The following GALNT2 variants were observed in gnomAD, a reference collection of about 807,000 sequenced individuals.
The protein encoded by GALNT2 is UDP-GalNAc:polypeptide N-acetylgalactosaminyltransferase 2.
Under a neutral mutation model 81.4 loss-of-function variants are expected in GALNT2, and 31 were observed. That is an observed-to-expected ratio of 0.38 (90% CI 0.29 to 0.51). The LOEUF (loss-of-function observed/expected upper bound fraction) is 0.51. GALNT2 is among the 20% of genes least tolerant of loss of function. The pLI, the probability that GALNT2 is intolerant of heterozygous loss-of-function variation, is 0.87. For synonymous variants in GALNT2, 303 were observed against 287.4 expected (o/e 1.05, Z -0.55); for missense variants, 629 against 765.7 (o/e 0.82, Z 2.11).
At chr1:230,130,445 C>T (rs926955354) in intron 1 of GALNT2, among the ~76,000 whole-genome samples, 7 of 152,096 alleles carry the variant, frequency 4.6e-5, no homozygotes, top group African/African-American at 1.7e-4. Flanking sequence ...TGTGCTCAGC[C>T]GGTTGTGAAG....
At chr1:230,234,716 T>G (rs1467018944) in intron 3 of GALNT2, among the ~76,000 whole-genome samples, 3 of 152,212 alleles carry the variant, frequency 2.0e-5, no homozygotes, top group African/African-American at 7.2e-5. Flanking sequence ...GAAGTCCTCG[T>G]GGGCTGTCAG....
intron 3 of GALNT2, among the ~76,000 whole-genome samples, chr1:230,219,716 G>A (rs1242262583): frequency 6.6e-6 from 1 of 152,170 alleles, no homozygotes; most frequent in Non-Finnish European, 1.5e-5. Context: ...AGATGTGGGG[G>A]CATTCTTTGC....
At chr1:230,110,826 A>AT (rs1405381725) in intron 1 of GALNT2, among the ~76,000 whole-genome samples, 9 of 151,338 alleles carry the variant, frequency 5.9e-5, no homozygotes, top group African/African-American at 1.9e-4. Flanking sequence ...CATCAGCCTG[A>AT]CCGTGGAAAA....
rs575255904 is a variant in GALNT2, at chr1:230,279,178, G to C, written c.1561-125G>C. The C allele has an allele frequency of 1.3e-4, 135 of 1,050,512 alleles. No individual in the cohort carries two copies. Among genetic ancestry groups the C allele is most frequent in the East Asian group, 1.2e-3 (44 of 36,034 alleles). The allele number at this position is 1,050,512 out of a possible 1,614,324, so 65.1% of individuals were successfully genotyped here. On this transcript the variant is annotated intron_variant, in intron 15 of 15. Coordinates refer to ENST00000366672, the MANE Select transcript of GALNT2 (RefSeq NM_004481.5). The surrounding 1 kb of genome is among the most constrained non-coding windows in gnomAD (Gnocchi z 4.6). ...GCAAGCTCCTCGGCCGTTCAGATGA[G>C]AGGCTGGGAAAAACGTGTCTATCTG...
At chr1:230,171,913 C>A (rs1224262121) in intron 1 of GALNT2, among the ~76,000 whole-genome samples, 5 of 152,052 alleles carry the variant, frequency 3.3e-5, no homozygotes, top group Admixed American at 6.5e-5. Flanking sequence ...ACCTCACAGC[C>A]CCTGCCCCCC....
chr1:230,113,252 A>G (rs1250724760), intron 1 of GALNT2, among the ~76,000 whole-genome samples: 1 of 152,020 alleles, frequency 6.6e-6, no homozygotes, highest in East Asian at 1.9e-4. Flanking sequence ...TCAGGCTTGG[A>G]GAGTGAGGAG....
rs193222397 is a variant in GALNT2 at position 230,061,041 on chromosome 1, T to C, written n.89+2963T>C. Among the ~76,000 whole-genome samples, 7 of 152,278 alleles carry C rather than the reference T, an allele frequency of 4.6e-5. No homozygotes were observed. In the East Asian group the frequency reaches 1.2e-3, roughly 25 times the overall value. Reference sequence around the variant, plus strand: ...GGAATCAATAATTTCTCCAGTGAACTCTTACAGTGGAGAATGGTATTTAGA... The same window carrying C: ...GGAATCAATAATTTCTCCAGTGAACCCTTACAGTGGAGAATGGTATTTAGA... On this transcript the variant is annotated intron_variant and non_coding_transcript_variant, in intron 1 of 6. Coordinates refer to the GALNT2 transcript ENST00000494106.
intron 1 of GALNT2, among the ~76,000 whole-genome samples, chr1:230,101,738 T>C (rs1660408746): frequency 6.6e-6 from 1 of 152,234 alleles, no homozygotes; most frequent in Admixed American, 6.5e-5. Flanking sequence ...CTGTTCCTGC[T>C]TTTGTTGTGT....
In GALNT2 at chr1:230,220,945, T is replaced by G. The variant is rs1458895927; in HGVS notation, c.375-15069T>G. On this transcript the variant is annotated intron_variant, in intron 3 of 15. Coordinates refer to ENST00000366672, the MANE Select transcript of GALNT2 (RefSeq NM_004481.5). ...TATCATGAACTCCCCAAGTTCTCCT[T>G]TCTTTAAATACACCGAATTACTCAA... Among the ~76,000 whole-genome samples the G allele has an allele frequency of 3.9e-5, 6 of 152,210 alleles. No homozygotes were observed. In the East Asian group the frequency reaches 9.6e-4, roughly 24 times the overall value.
chr1:230,061,564 T>C (rs1159070728), intron 1 of GALNT2, among the ~76,000 whole-genome samples: 1 of 152,224 alleles, frequency 6.6e-6, no homozygotes, highest in African/African-American at 2.4e-5. Context: ...GATATTTCTG[T>C]TTGGATTCAG....
chr1:230,182,993 T>C (rs2102689548), intron 2 of GALNT2, among the ~76,000 whole-genome samples: 1 of 152,358 alleles, frequency 6.6e-6, no homozygotes, highest in East Asian at 1.9e-4. Flanking sequence ...TTTTAAAAAA[T>C]CATTGTGTAG....
intron 1 of GALNT2, among the ~76,000 whole-genome samples, chr1:230,067,930 A>T (rs1659249703): frequency 6.6e-6 from 1 of 150,918 alleles, no homozygotes; most frequent in Non-Finnish European, 1.5e-5. Context: ...TTTGCCCTTT[A>T]CCTTTGGGGG....
chr1:230,255,402 A>C lies in GALNT2; in HGVS notation c.1136+58A>C, dbSNP rs1665681342. ...CATTGATGACTACCCTGAAAGCAGG[A>C]CCTGACCTTGGGCTGTTTGAGGACA... is the stretch of plus-strand genomic sequence containing the variant. On this transcript the variant is annotated intron_variant, in intron 11 of 15. Transcript: ENST00000366672. The C allele has an allele frequency of 3.1e-6, 5 of 1,610,616 alleles. No homozygotes were observed. In the African/African-American group the frequency reaches 4.0e-5, roughly 13 times the overall value.
At chr1:230,174,775 G>A (rs1409137996) in intron 1 of GALNT2, among the ~76,000 whole-genome samples, 1 of 152,086 alleles carries the variant, frequency 6.6e-6, no homozygotes, top group Non-Finnish European at 1.5e-5. Flanking sequence ...TAGCCATAGT[G>A]ATATTTCTAG....
rs577949413 is a variant in GALNT2 at position 230,154,172 on chromosome 1, T to C, written c.127-24046T>C. 1.4e-4 allele frequency among the ~76,000 whole-genome samples: 22 copies of C among 152,342 alleles called. No homozygotes were observed. In the South Asian group the frequency reaches 4.3e-3, roughly 30 times the overall value. Reference sequence around the variant, plus strand: ...GGATGTGGATTTTGTACATTTTCAATATTTCACCATTCAGTCTTGTCAGAA... The same window carrying C: ...GGATGTGGATTTTGTACATTTTCAACATTTCACCATTCAGTCTTGTCAGAA... On this transcript the variant is annotated intron_variant, in intron 1 of 15. Transcript: ENST00000366672.
chr1:230,278,835 T>C (rs184688532), intron 15 of GALNT2, among the ~76,000 whole-genome samples: 1 of 152,312 alleles, frequency 6.6e-6, no homozygotes, highest in Non-Finnish European at 1.5e-5. Flanking sequence ...AGTGGGAGCA[T>C]GGAGGTGCCC....
At chr1:230,077,328 TTA>T (rs755249552) in intron 1 of GALNT2, among the ~76,000 whole-genome samples, 8 of 152,204 alleles carry the variant, frequency 5.3e-5, no homozygotes, top group Non-Finnish European at 1.0e-4. Context: ...GGGAGCTCAC[TTA>T]GTTGTCTTCC....
At chr1:230,130,624 T>C (rs1661337590) in intron 1 of GALNT2, among the ~76,000 whole-genome samples, 1 of 152,210 alleles carries the variant, frequency 6.6e-6, no homozygotes, top group Admixed American at 6.5e-5. Context: ...CTAAGTAGGA[T>C]GCTCCCATGC....
intron 3 of GALNT2, among the ~76,000 whole-genome samples, chr1:230,216,191 C>A (rs1313850251): frequency 6.6e-6 from 1 of 152,166 alleles, no homozygotes; most frequent in Admixed American, 6.5e-5. Context: ...TCACTTTGCC[C>A]CCCGTCGTGG....
Sources: allele counts gnomAD v4.1 joint callset (sites outside exome capture counted in the v4.1 genomes callset), GRCh38; gene constraint gnomAD v4.1.1; non-coding constraint Gnocchi (gnomAD v3.1); transcripts MANE v1.5; gene names NCBI Gene and HGNC (gene_info 2026-07-23, HGNC 2026-07-21).